RERG: variants seen among roughly 807,000 people sequenced by gnomAD.
The protein encoded by RERG is ras-related and estrogen-regulated growth inhibitor.
In RERG, 25 loss-of-function variants were observed where a neutral mutation model predicts 23.2. The observed-to-expected ratio is 1.08, with a 90% CI of 0.79 to 1.50. The LOEUF (loss-of-function observed/expected upper bound fraction) is 1.50, where lower values mean the gene tolerates loss of function less well. Ranked by LOEUF, RERG falls within the 40% of genes most tolerant of loss-of-function variation. The pLI is 0.00. For missense variants in RERG, 253 were observed against 250.1 expected (o/e 1.01, Z -0.08); for synonymous variants, 81 against 89.1 (o/e 0.91, Z 0.51).
At chr12:15,125,687 G>T (rs937072083) in intron 2 of RERG, among the ~76,000 whole-genome samples, 1 of 151,886 alleles carries the variant, frequency 6.6e-6, no homozygotes, top group African/African-American at 2.4e-5. Context: ...AGAATGAGAG[G>T]ATTTAATACA....
intron 2 of RERG, among the ~76,000 whole-genome samples, chr12:15,196,729 G>A (rs1239489830): frequency 6.6e-6 from 1 of 152,108 alleles, no homozygotes; most frequent in Admixed American, 6.6e-5. Context: ...TACAATTACT[G>A]TCAGTAATTC....
intron 2 of RERG, among the ~76,000 whole-genome samples, chr12:15,175,160 T>C (rs1864830157): frequency 6.7e-6 from 1 of 149,382 alleles, no homozygotes; most frequent in Non-Finnish European, 1.5e-5. Flanking sequence ...TTTGTTGTAT[T>C]TGTTGTTTTT....
chr12:15,204,650 C>T (rs1174272767), intron 2 of RERG, among the ~76,000 whole-genome samples: 2 of 151,826 alleles, frequency 1.3e-5, no homozygotes, highest in African/African-American at 4.8e-5. Context: ...TTCAAACTTA[C>T]TGCCTCCCTA....
At chr12:15,132,457 A>G (rs1864065851) in intron 2 of RERG, among the ~76,000 whole-genome samples, 1 of 152,218 alleles carries the variant, frequency 6.6e-6, no homozygotes, top group Admixed American at 6.5e-5. Context: ...GAAGAACATC[A>G]TGGTTGCTCC....
intron 2 of RERG, among the ~76,000 whole-genome samples, chr12:15,186,350 T>C (rs1864990368): frequency 1.3e-5 from 2 of 152,116 alleles, no homozygotes; most frequent in African/African-American, 4.8e-5. Flanking sequence ...TGCTGGGCCA[T>C]GTGCTCCAGT....
rs150953985 is a variant in RERG at position 15,192,934 on chromosome 12, T to G, written c.61+24495A>C. Among the ~76,000 whole-genome samples the G allele has an allele frequency of 2.2e-3, 329 of 152,298 alleles. 2 individuals are homozygous for G. The highest frequency in any genetic ancestry group is 7.8e-3 in the African/African-American group (323 of 41,568). Reference sequence around the variant, plus strand: ...AGTGCATCATATAATCATGTCAGTATGTCTCATTCCTAGCTATGCTAACCT... The same window carrying G: ...AGTGCATCATATAATCATGTCAGTAGGTCTCATTCCTAGCTATGCTAACCT... On this transcript the variant is annotated intron_variant, in intron 2 of 4. Transcript: ENST00000256953.
intron 2 of RERG, among the ~76,000 whole-genome samples, chr12:15,171,897 A>G (rs540897881): frequency 6.6e-6 from 1 of 152,024 alleles, no homozygotes; most frequent in South Asian, 2.1e-4. Context: ...GACTTTTTTG[A>G]AATAATTTAA....
chr12:15,218,040 G>C (rs1286820254), intron 1 of RERG: 1 of 152,532 alleles, frequency 6.6e-6, no homozygotes, highest in Non-Finnish European at 1.5e-5. Context: ...ATTCATATTA[G>C]TCAACTCCAA....
At chr12:15,126,128 C>CATATATAT (rs67901734) in intron 2 of RERG, among the ~76,000 whole-genome samples, 1,844 of 89,034 alleles carry the variant, frequency 0.021, 61 homozygotes, top group Non-Finnish European at 0.022. Context: ...TTGTATATAC[C>CATATATAT]ATATATATAT....
At chr12:15,172,531 T>C (rs895826211) in intron 2 of RERG, among the ~76,000 whole-genome samples, 1 of 152,156 alleles carries the variant, frequency 6.6e-6, no homozygotes, top group African/African-American at 2.4e-5. Context: ...CTCCATGTTT[T>C]ACATTTTTAG....
rs1863564913 is a variant in RERG, at chr12:15,109,528, A to C, written c.193-11T>G. 6.4e-7 allele frequency: 1 copy of C among 1,565,550 alleles called. No homozygotes were observed. Among genetic ancestry groups the C allele is most frequent in the African/African-American group, 1.4e-5 (1 of 73,216 alleles). ...CTGAATGGTATCTTCCTGTTGGCAAAGAAAAATGGCCGTCAAGAGACCTGG... is the reference window on the plus strand; with the variant it reads ...CTGAATGGTATCTTCCTGTTGGCAACGAAAAATGGCCGTCAAGAGACCTGG... On this transcript the variant is annotated splice_polypyrimidine_tract_variant and intron_variant, in intron 4 of 4. Transcript: ENST00000256953.
chr12:15,130,019 T>C (rs1864017385), intron 2 of RERG, among the ~76,000 whole-genome samples: 2 of 152,086 alleles, frequency 1.3e-5, no homozygotes, highest in Admixed American at 1.3e-4. Flanking sequence ...GGAAAACAAA[T>C]TAAAAATGAT....
chr12:15,133,925 T>G (rs1232195414), intron 2 of RERG, among the ~76,000 whole-genome samples: 1 of 152,172 alleles, frequency 6.6e-6, no homozygotes, highest in Non-Finnish European at 1.5e-5. Flanking sequence ...TCTTTTCAGA[T>G]GTTTTACCCA....
chr12:15,138,568 T>C (rs1864182021), intron 2 of RERG, among the ~76,000 whole-genome samples: 1 of 152,068 alleles, frequency 6.6e-6, no homozygotes, highest in Non-Finnish European at 1.5e-5. Context: ...TTAGAATTTC[T>C]ATTTACATTA....
intron 2 of RERG, among the ~76,000 whole-genome samples, chr12:15,135,726 G>A (rs778759018): frequency 3.9e-5 from 6 of 151,918 alleles, no homozygotes; most frequent in Non-Finnish European, 5.9e-5. Context: ...AATGTCAACC[G>A]GTCTTGCATA....
chr12:15,149,134 G>A (rs1007709120), intron 2 of RERG, among the ~76,000 whole-genome samples: 3 of 151,916 alleles, frequency 2.0e-5, no homozygotes, highest in African/African-American at 4.8e-5. Flanking sequence ...TTCCCAAAGT[G>A]CTGGGATTAC....
At chr12:15,161,667 G>T (rs541133649) in intron 2 of RERG, among the ~76,000 whole-genome samples, 1 of 152,150 alleles carries the variant, frequency 6.6e-6, no homozygotes, top group East Asian at 1.9e-4. Flanking sequence ...TATGTTAGGA[G>T]CCTGGACTTG....
intron 2 of RERG, among the ~76,000 whole-genome samples, chr12:15,183,471 T>TA (rs1202866230): frequency 6.6e-6 from 1 of 152,050 alleles, no homozygotes; most frequent in African/African-American, 2.4e-5. Context: ...CTTTTTTAGA[T>TA]AAAAAAGGCA....
chr12:15,148,832 C>A, intron 2 of RERG, among the ~76,000 whole-genome samples: 1 of 110,654 alleles, frequency 9.0e-6, no homozygotes, highest in Non-Finnish European at 1.9e-5. Context: ...AATTCATTTG[C>A]AGTCCTTTAA....
Sources: allele counts gnomAD v4.1 joint callset (sites outside exome capture counted in the v4.1 genomes callset), GRCh38; gene constraint gnomAD v4.1.1; transcripts MANE v1.5; gene names NCBI Gene and HGNC (gene_info 2026-07-23, HGNC 2026-07-21).